The following ADARB2 variants were observed in gnomAD, a reference collection of about 807,000 sequenced individuals.
ADARB2 encodes inactive double-stranded RNA-specific editase B2.
Under a neutral mutation model 62.2 loss-of-function variants are expected in ADARB2, and 25 were observed. The observed-to-expected ratio is 0.40, with a 90% CI of 0.29 to 0.56. The LOEUF is 0.56. ADARB2 is among the 20% of genes least tolerant of loss of function. The probability of loss-of-function intolerance (pLI) is 0.43; values close to 1 mark genes in which losing one functional copy is unlikely to be tolerated. For missense variants in ADARB2, 1,071 were observed against 1,077.4 expected, an observed-to-expected ratio of 0.99 and a Z score of 0.08; for synonymous variants, 572 against 500.8, an observed-to-expected ratio of 1.14 and a Z score of -1.90.
intron 4 of ADARB2, among the ~76,000 whole-genome samples, chr10:1,254,576 GT>G (rs1831064184): frequency 1.3e-5 from 2 of 152,290 alleles, no homozygotes; most frequent in South Asian, 4.1e-4. Flanking sequence ...CTGAAAATCT[GT>G]TTTTAGGCAA....
intron 1 of ADARB2, among the ~76,000 whole-genome samples, chr10:1,732,404 T>C (rs1040891277): frequency 4.6e-5 from 7 of 152,090 alleles, no homozygotes; most frequent in African/African-American, 1.7e-4. Context: ...CACCCCTGTT[T>C]AGATATGGAT....
At chr10:1,287,939 G>A (rs185323414) in intron 3 of ADARB2, among the ~76,000 whole-genome samples, 8 of 152,310 alleles carry the variant, frequency 5.3e-5, no homozygotes, top group African/African-American at 9.6e-5. Flanking sequence ...CATTGTCCTC[G>A]TCAGACTGGA....
intron 1 of ADARB2, among the ~76,000 whole-genome samples, chr10:1,409,230 C>T (rs1166098051): frequency 6.6e-6 from 1 of 151,866 alleles, no homozygotes; most frequent in African/African-American, 2.4e-5. Context: ...CGTCGCCCCG[C>T]CCTGCCTGAC....
At chr10:1,613,777 A>C (rs894932779) in intron 1 of ADARB2, among the ~76,000 whole-genome samples, 5 of 152,210 alleles carry the variant, frequency 3.3e-5, no homozygotes, top group Non-Finnish European at 7.3e-5. Flanking sequence ...CTAATAATGG[A>C]GATAAGGCTG....
chr10:1,659,952 C>A (rs553593440), intron 1 of ADARB2, among the ~76,000 whole-genome samples: 6 of 151,260 alleles, frequency 4.0e-5, no homozygotes, highest in Non-Finnish European at 8.9e-5. Flanking sequence ...GCCTGGGCGA[C>A]CCATCATGCT....
intron 1 of ADARB2, among the ~76,000 whole-genome samples, chr10:1,437,255 C>CACACACACATAT (rs142382073): frequency 3.0e-4 from 46 of 151,886 alleles, no homozygotes; most frequent in African/African-American, 9.0e-4. Flanking sequence ...TATATATACA[C>CACACACACATAT]ACACACACAC....
chr10:1,514,287 G>C (rs1253815760), intron 1 of ADARB2, among the ~76,000 whole-genome samples: 1 of 150,328 alleles, frequency 6.7e-6, no homozygotes, highest in Non-Finnish European at 1.5e-5. Flanking sequence ...TCAGAAGGAC[G>C]GCTCTGACGC....
In ADARB2 at chr10:1,217,031, G is replaced by A; in HGVS notation, c.1602C>T (p.Gly534=). The change falls in exon 7 of 10, where the codon GGC becomes GGT. Residue 534 remains glycine (G), a synonymous_variant. Transcript: ENST00000381312. ...ESGEGTVPVR[G]PSAVQTWDGV... ...CGTCCCAGGTCTGCACTGCGCTGGG[G>A]CCACGCACGGGGACCGTCCCTTCCC... is the stretch of plus-strand genomic sequence containing the variant. 6.2e-7 allele frequency: 1 copy of A among 1,611,618 alleles called. No individual in the cohort carries two copies. The highest frequency in any genetic ancestry group is 1.3e-5 in the African/African-American group (1 of 75,064).
intron 1 of ADARB2, among the ~76,000 whole-genome samples, chr10:1,532,824 C>G (rs373064119): frequency 6.6e-6 from 1 of 152,126 alleles, no homozygotes; most frequent in Non-Finnish European, 1.5e-5. Context: ...TGCAGGTGCC[C>G]GCAGGCGAGG....
At chr10:1,261,401 T>G (rs1177021010) in intron 4 of ADARB2, among the ~76,000 whole-genome samples, 1 of 147,876 alleles carries the variant, frequency 6.8e-6, no homozygotes. Flanking sequence ...CGCAACCTAC[T>G]CATCTGACAA....
chr10:1,723,672 T>A (rs1037296574), intron 1 of ADARB2, among the ~76,000 whole-genome samples: 13 of 152,094 alleles, frequency 8.5e-5, no homozygotes, highest in Non-Finnish European at 1.6e-4. Context: ...TCACCACGGT[T>A]CTCTCCATCT....
At chr10:1,510,170 TTTTC>T (rs71495945) in intron 1 of ADARB2, among the ~76,000 whole-genome samples, 1 of 76,164 alleles carries the variant, frequency 1.3e-5, no homozygotes, top group African/African-American at 4.6e-5. Flanking sequence ...CTTTCTTTCT[TTTTC>T]TTTCTTTCTT....
At chr10:1,596,304 A>G (rs1833333735) in intron 1 of ADARB2, among the ~76,000 whole-genome samples, 1 of 152,240 alleles carries the variant, frequency 6.6e-6, no homozygotes, top group South Asian at 2.1e-4. Flanking sequence ...CTTGTGGGGA[A>G]AAACCAACAA....
chr10:1,691,199 G>C (rs1834667861), intron 1 of ADARB2, among the ~76,000 whole-genome samples: 5 of 152,132 alleles, frequency 3.3e-5, no homozygotes. Context: ...TTGGGGCACA[G>C]ACATGCACAG....
At chr10:1,616,574 C>A (rs1391036431) in intron 1 of ADARB2, among the ~76,000 whole-genome samples, 1 of 147,450 alleles carries the variant, frequency 6.8e-6, no homozygotes, top group Non-Finnish European at 1.5e-5. Flanking sequence ...CTCCGCACCA[C>A]CCTGCTGTGC....
At chr10:1,625,857 C>G (rs899871152) in intron 1 of ADARB2, among the ~76,000 whole-genome samples, 8 of 152,242 alleles carry the variant, frequency 5.3e-5, no homozygotes, top group Non-Finnish European at 1.2e-4. Flanking sequence ...CCTGCTCCTG[C>G]CCTCTGTGTG....
chr10:1,720,815 G>A (rs183726588), intron 1 of ADARB2, among the ~76,000 whole-genome samples: 2 of 152,294 alleles, frequency 1.3e-5, no homozygotes, highest in South Asian at 2.1e-4. Context: ...AATATCATAT[G>A]GAAAAAGAAG....
intron 1 of ADARB2, among the ~76,000 whole-genome samples, chr10:1,719,849 C>T (rs1835067148): frequency 6.6e-6 from 1 of 152,224 alleles, no homozygotes; most frequent in South Asian, 2.1e-4. Context: ...GCAATACCAT[C>T]TCATACCAGT....
intron 1 of ADARB2, among the ~76,000 whole-genome samples, chr10:1,562,296 A>G (rs931937147): frequency 2.0e-5 from 3 of 151,982 alleles, no homozygotes; most frequent in Non-Finnish European, 4.4e-5. Context: ...CCCTCATCAC[A>G]TGAGGCCCTC....
Sources: allele counts gnomAD v4.1 joint callset (sites outside exome capture counted in the v4.1 genomes callset), GRCh38; gene constraint gnomAD v4.1.1; transcripts MANE v1.5; gene names NCBI Gene and HGNC (gene_info 2026-07-23, HGNC 2026-07-21).